The following KCNIP4 variants were observed in gnomAD, a reference collection of about 807,000 sequenced individuals.
KCNIP4 encodes Kv channel-interacting protein 4.
A neutral mutation model predicts 34.0 loss-of-function variants in KCNIP4; 12 were observed. The observed-to-expected ratio is 0.35, with a 90% CI of 0.23 to 0.57. The LOEUF (loss-of-function observed/expected upper bound fraction) is 0.57. KCNIP4 is among the 20% of genes least tolerant of loss of function. The pLI, the probability that KCNIP4 is intolerant of heterozygous loss-of-function variation, is 0.83. For missense variants in KCNIP4, 238 were observed against 311.7 expected (o/e 0.76, Z 1.78); for synonymous variants, 124 against 102.2 (o/e 1.21, Z -1.29).
In KCNIP4 at chr4:21,329,082, C is replaced by A. The variant is rs374389665; in HGVS notation, c.62-446373G>T. ...ATCACAAGTATATACTAGGCTTCCT[C>A]AGTCTTGCAAAAGCAAAAAATAAAC... On this transcript the variant is annotated intron_variant, in intron 1 of 8. Coordinates refer to ENST00000382152, the MANE Select transcript of KCNIP4 (RefSeq NM_025221.6). Among the ~76,000 whole-genome samples the A allele has an allele frequency of 5.1e-4, 77 of 152,356 alleles. 1 individual carries two copies. The South Asian group carries it at 0.015, about 30-fold the overall frequency.
intron 1 of KCNIP4, among the ~76,000 whole-genome samples, chr4:21,123,275 A>G (rs374904169): frequency 1.3e-5 from 2 of 152,156 alleles, no homozygotes; most frequent in African/African-American, 4.8e-5. Context: ...TCTCATTTAT[A>G]TTTATTGAAT....
chr4:21,309,945 TG>T, intron 1 of KCNIP4, among the ~76,000 whole-genome samples: 1 of 152,312 alleles, frequency 6.6e-6, no homozygotes, highest in Middle Eastern at 3.4e-3. Context: ...GCTGATACTA[TG>T]TAGATACTAG....
chr4:21,215,799 T>TTTG (rs1297307834), intron 1 of KCNIP4, among the ~76,000 whole-genome samples: 1 of 152,096 alleles, frequency 6.6e-6, no homozygotes, highest in Non-Finnish European at 1.5e-5. Flanking sequence ...CAAGATATTC[T>TTTG]TTGTTGTTGT....
intron 1 of KCNIP4, among the ~76,000 whole-genome samples, chr4:21,727,400 C>T (rs1040588224): frequency 6.6e-6 from 1 of 152,126 alleles, no homozygotes; most frequent in African/African-American, 2.4e-5. Flanking sequence ...TCAAAAGACA[C>T]AAAATCTTCT....
chr4:21,447,590 T>C (rs1040252712), intron 1 of KCNIP4, among the ~76,000 whole-genome samples: 4 of 152,210 alleles, frequency 2.6e-5, no homozygotes, highest in Non-Finnish European at 5.9e-5. Context: ...TACAATGTTT[T>C]ATTCCTATAC....
intron 1 of KCNIP4, among the ~76,000 whole-genome samples, chr4:20,967,341 A>G (rs1364434834): frequency 6.6e-6 from 1 of 152,178 alleles, no homozygotes; most frequent in Non-Finnish European, 1.5e-5. Context: ...TATCGTGAAA[A>G]TGGCCATACT....
At chr4:21,863,169 A>G (rs1725194455) in intron 1 of KCNIP4, among the ~76,000 whole-genome samples, 1 of 152,168 alleles carries the variant, frequency 6.6e-6, no homozygotes, top group Admixed American at 6.5e-5. Flanking sequence ...ATTCTTCATC[A>G]AAAGCAATCC....
chr4:21,551,611 C>T (rs570709959), intron 1 of KCNIP4, among the ~76,000 whole-genome samples: 74 of 152,200 alleles, frequency 4.9e-4, no homozygotes, highest in African/African-American at 1.6e-3. Flanking sequence ...TCTGCCAAAA[C>T]CTGTTAAATG....
chr4:21,035,405 T>C (rs1741366623), intron 1 of KCNIP4, among the ~76,000 whole-genome samples: 1 of 152,182 alleles, frequency 6.6e-6, no homozygotes, highest in Non-Finnish European at 1.5e-5. Flanking sequence ...TAACAAGCAA[T>C]TGTTATCTTT....
intron 3 of KCNIP4, among the ~76,000 whole-genome samples, chr4:20,847,992 T>G (rs1720577620): frequency 6.6e-6 from 1 of 152,164 alleles, no homozygotes; most frequent in Non-Finnish European, 1.5e-5. Context: ...TTCAGCTTAC[T>G]ACCATGCTGT....
intron 1 of KCNIP4, among the ~76,000 whole-genome samples, chr4:21,075,974 C>T (rs1745452755): frequency 6.6e-6 from 1 of 152,166 alleles, no homozygotes; most frequent in African/African-American, 2.4e-5. Flanking sequence ...CCCCCACTCT[C>T]TTCTGGCTTG....
chr4:21,869,030 C>T (rs1359155810), intron 1 of KCNIP4, among the ~76,000 whole-genome samples: 1 of 152,170 alleles, frequency 6.6e-6, no homozygotes, highest in East Asian at 1.9e-4. Context: ...ACTGAAAACC[C>T]TGTAACCTAA....
At chr4:20,894,610 A>G (rs1164550622) in intron 1 of KCNIP4, among the ~76,000 whole-genome samples, 1 of 152,228 alleles carries the variant, frequency 6.6e-6, no homozygotes, top group East Asian at 1.9e-4. Context: ...GCTTCTACTC[A>G]GAGTGAAATA....
At chr4:20,788,875 G>A (rs995260595) in intron 3 of KCNIP4, among the ~76,000 whole-genome samples, 1 of 152,116 alleles carries the variant, frequency 6.6e-6, no homozygotes, top group Non-Finnish European at 1.5e-5. Flanking sequence ...TCACAGTGAG[G>A]AGGAAGGAGG....
At chr4:20,785,541 C>G (rs1304628707) in intron 3 of KCNIP4, among the ~76,000 whole-genome samples, 1 of 151,984 alleles carries the variant, frequency 6.6e-6, no homozygotes. Flanking sequence ...ATCTTTGGAG[C>G]TTGTTTATAA....
At chr4:21,103,095 T>C (rs147047659) in intron 1 of KCNIP4, among the ~76,000 whole-genome samples, 1 of 151,932 alleles carries the variant, frequency 6.6e-6, no homozygotes, top group African/African-American at 2.4e-5. Context: ...ATCAATCAAA[T>C]GGGGTGATAG....
At chr4:20,889,766 T>TA (rs199735267) in intron 1 of KCNIP4, among the ~76,000 whole-genome samples, 20,037 of 119,220 alleles carry the variant, frequency 0.17, 1,572 homozygotes, top group Admixed American at 0.25. Flanking sequence ...AACTGGAAGT[T>TA]CAAAAAAAAA....
chr4:21,327,226 T>C (rs1373803971), intron 1 of KCNIP4, among the ~76,000 whole-genome samples: 1 of 152,166 alleles, frequency 6.6e-6, no homozygotes, highest in Non-Finnish European at 1.5e-5. Context: ...GCCTTTCTTA[T>C]AGGACATATG....
intron 1 of KCNIP4, among the ~76,000 whole-genome samples, chr4:21,754,547 A>C (rs972923054): frequency 6.6e-6 from 1 of 152,214 alleles, no homozygotes; most frequent in Non-Finnish European, 1.5e-5. Context: ...GAGGATAAGA[A>C]ATTTGCCTAA....
Sources: gnomAD v4.1 joint callset for allele counts (sites outside exome capture counted in the v4.1 genomes callset) on GRCh38, gnomAD v4.1.1 for gene constraint, MANE v1.5 for transcripts, NCBI Gene and HGNC (gene_info 2026-07-23, HGNC 2026-07-21) for gene names.